PRR5L: variants seen among roughly 807,000 people sequenced by gnomAD.
PRR5L encodes proline rich 5 like.
Under a neutral mutation model 36.4 loss-of-function variants are expected in PRR5L, and 21 were observed. The ratio of observed to expected loss-of-function variants is 0.58; its 90% CI spans 0.41 to 0.83. The LOEUF (loss-of-function observed/expected upper bound fraction) is 0.83, where lower values mean the gene tolerates loss of function less well. PRR5L is among the 40% of genes least tolerant of loss of function. The probability of loss-of-function intolerance (pLI) is 0.00; values close to 1 mark genes in which losing one functional copy is unlikely to be tolerated. For missense variants in PRR5L, 381 were observed against 473.3 expected, an observed-to-expected ratio of 0.80 and a Z score of 1.81; for synonymous variants, 188 against 197.0, an observed-to-expected ratio of 0.95 and a Z score of 0.38.
intron 3 of PRR5L, among the ~76,000 whole-genome samples, chr11:36,408,691 C>T (rs1426166894): frequency 6.6e-6 from 1 of 152,126 alleles, no homozygotes; most frequent in East Asian, 1.9e-4. Flanking sequence ...TTCATGAGCC[C>T]TTCCAAGAAC....
chr11:36,343,032 C>T (rs367917519), intron 1 of PRR5L, among the ~76,000 whole-genome samples: 21 of 152,090 alleles, frequency 1.4e-4, no homozygotes, highest in Admixed American at 1.2e-3. Flanking sequence ...TTTGCAAAAG[C>T]GATTCTTAAA....
At chr11:36,306,759 C>T (rs1215611893) in intron 1 of PRR5L, among the ~76,000 whole-genome samples, 2 of 152,020 alleles carry the variant, frequency 1.3e-5, no homozygotes, top group African/African-American at 2.4e-5. Context: ...GCAACCACCA[C>T]CAAAAAAGTC....
chr11:36,390,319 G>C (rs1208730260), intron 1 of PRR5L, among the ~76,000 whole-genome samples: 2 of 152,234 alleles, frequency 1.3e-5, no homozygotes, highest in East Asian at 3.8e-4. Context: ...AGGTGGGGCA[G>C]AGCAGGTGCT....
intron 1 of PRR5L, among the ~76,000 whole-genome samples, chr11:36,388,536 A>G (rs922585881): frequency 2.0e-5 from 3 of 152,158 alleles, no homozygotes; most frequent in African/African-American, 7.2e-5. Context: ...CCCTAGGGGA[A>G]ACCAGTGTTA....
intron 1 of PRR5L, among the ~76,000 whole-genome samples, chr11:36,369,966 G>T (rs139150705): frequency 9.2e-5 from 14 of 152,302 alleles, no homozygotes; most frequent in African/African-American, 3.4e-4. Flanking sequence ...GGGATTATTT[G>T]CAATGGAGTG....
intron 1 of PRR5L, among the ~76,000 whole-genome samples, chr11:36,391,335 G>C (rs933920639): frequency 6.6e-6 from 1 of 152,200 alleles, no homozygotes; most frequent in Non-Finnish European, 1.5e-5. Context: ...AGCAGGCAGG[G>C]CTGTGCCCCA....
intron 1 of PRR5L, among the ~76,000 whole-genome samples, chr11:36,358,634 T>C (rs1857053182): frequency 6.6e-6 from 1 of 152,224 alleles, no homozygotes; most frequent in African/African-American, 2.4e-5. Context: ...ATTGCTATGG[T>C]CTGGAACCAA....
At chr11:36,376,754 C>T in intron 1 of PRR5L, 1 of 977,776 alleles carries the variant, frequency 1.0e-6, no homozygotes. Context: ...GTCATAGGCT[C>T]AGCAACCGCG....
chr11:36,355,456 A>C (rs1302786590), intron 1 of PRR5L, among the ~76,000 whole-genome samples: 3 of 152,170 alleles, frequency 2.0e-5, no homozygotes. Context: ...AAGCGGAGGC[A>C]CAACTTGCTT....
chr11:36,309,294 A>T (rs982346159), intron 1 of PRR5L, among the ~76,000 whole-genome samples: 1 of 152,248 alleles, frequency 6.6e-6, no homozygotes, highest in Non-Finnish European at 1.5e-5. Flanking sequence ...CATGTGTTTC[A>T]TCATCAATAC....
intron 1 of PRR5L, among the ~76,000 whole-genome samples, chr11:36,341,006 G>A (rs1856811599): frequency 6.6e-6 from 1 of 152,158 alleles, no homozygotes; most frequent in Non-Finnish European, 1.5e-5. Context: ...ACTCTCATTT[G>A]AAACATAAGC....
chr11:36,386,595 A>C (rs1590516329), intron 1 of PRR5L: 1 of 152,344 alleles, frequency 6.6e-6, no homozygotes, highest in East Asian at 1.9e-4. Flanking sequence ...CAGGGAAGAA[A>C]TGGGTGGCGT....
In PRR5L at chr11:36,401,849, C is replaced by T. The variant is rs190545448; in HGVS notation, c.164+564C>T. Among the ~76,000 whole-genome samples, 79 of 152,330 alleles carry T rather than the reference C, an allele frequency of 5.2e-4. 2 individuals are homozygous for T. The East Asian group carries it at 0.015, about 29-fold the overall frequency. On this transcript the variant is annotated intron_variant, in intron 2 of 8. Transcript: ENST00000530639. ...TTAGAGTCAGTTTACCAGACTGGGACAGTTGCACTGGAATTTACGGTCACT... is the reference window on the plus strand; with the variant it reads ...TTAGAGTCAGTTTACCAGACTGGGATAGTTGCACTGGAATTTACGGTCACT...
chr11:36,364,957 T>G (rs1857129174), intron 1 of PRR5L, among the ~76,000 whole-genome samples: 1 of 152,180 alleles, frequency 6.6e-6, no homozygotes, highest in African/African-American at 2.4e-5. Context: ...AGGCACTGTG[T>G]GAAGTTCTAG....
chr11:36,313,769 T>G (rs1856527940), intron 1 of PRR5L, among the ~76,000 whole-genome samples: 1 of 152,198 alleles, frequency 6.6e-6, no homozygotes, highest in South Asian at 2.1e-4. Context: ...GGAAGAATAC[T>G]AAATAGAGTT....
chr11:36,324,892 G>A (rs190752997), intron 1 of PRR5L, among the ~76,000 whole-genome samples: 46 of 152,116 alleles, frequency 3.0e-4, no homozygotes, highest in African/African-American at 1.0e-3. Context: ...TCTGACTGTA[G>A]GGTGCCAATT....
intron 1 of PRR5L, among the ~76,000 whole-genome samples, chr11:36,330,176 A>G (rs565477871): frequency 1.3e-5 from 2 of 152,330 alleles, no homozygotes; most frequent in African/African-American, 4.8e-5. Context: ...AAAAAGATGA[A>G]TGTTTCATTT....
intron 6 of PRR5L, among the ~76,000 whole-genome samples, chr11:36,443,241 T>TG (rs1283396446): frequency 1.3e-5 from 2 of 151,930 alleles, no homozygotes; most frequent in Admixed American, 1.3e-4. Context: ...AAGCAAGAGA[T>TG]GGGGGAAGAG....
intron 1 of PRR5L, among the ~76,000 whole-genome samples, chr11:36,299,079 C>T (rs1254792159): frequency 6.6e-6 from 1 of 152,212 alleles, no homozygotes. Context: ...ACAACAAGTG[C>T]TGTCAGCTTT....
Sources: allele counts gnomAD v4.1 joint callset (sites outside exome capture counted in the v4.1 genomes callset), GRCh38; gene constraint gnomAD v4.1.1; transcripts MANE v1.5; gene names NCBI Gene and HGNC (gene_info 2026-07-23, HGNC 2026-07-21).